ARHGEF10L: variants seen among roughly 807,000 people sequenced by gnomAD.
ARHGEF10L encodes rho guanine nucleotide exchange factor 10-like protein.
Under a neutral mutation model 141.2 loss-of-function variants are expected in ARHGEF10L, and 69 were observed. That is an observed-to-expected ratio of 0.49 (90% CI 0.40 to 0.60). The LOEUF is 0.60. Ranked by LOEUF, ARHGEF10L falls within the 20% of genes least tolerant of loss-of-function variation. ARHGEF10L has a pLI of 0.00. For synonymous variants in ARHGEF10L, 711 were observed against 718.5 expected (o/e 0.99, Z 0.17); for missense variants, 1,482 against 1,734.3 (o/e 0.85, Z 2.58).
chr1:17,619,313 T>G lies in ARHGEF10L; in HGVS notation c.836-26T>G. On this transcript the variant is annotated intron_variant, in intron 9 of 28. Coordinates refer to ENST00000361221, the MANE Select transcript of ARHGEF10L (RefSeq NM_018125.4). The surrounding 1 kb of genome is among the most constrained non-coding windows in gnomAD (Gnocchi z 5.0). ...GGGTGTGCTGTCCCTGCCTTAGCTG[T>G]GTCATCGGCCCATCTGACTTTCCAG... 6.2e-7 allele frequency: 1 copy of G among 1,605,920 alleles called. No individual in the cohort carries two copies. Among genetic ancestry groups the G allele is most frequent in the South Asian group, 1.1e-5 (1 of 90,310 alleles).
intron 26 of ARHGEF10L, among the ~76,000 whole-genome samples, chr1:17,683,994 CCTCT>C (rs2064357791): frequency 6.6e-6 from 1 of 152,172 alleles, no homozygotes. Flanking sequence ...CATGCAGATA[CCTCT>C]CTCAGTGTGT....
intron 26 of ARHGEF10L, among the ~76,000 whole-genome samples, chr1:17,672,654 T>C (rs1034154041): frequency 1.3e-5 from 2 of 152,128 alleles, no homozygotes; most frequent in Non-Finnish European, 2.9e-5. Flanking sequence ...ACTTGAGAAA[T>C]GGATTTTCTA....
the ARHGEF10L span, among the ~76,000 whole-genome samples, chr1:17,520,528 T>A: frequency 1.3e-5 from 2 of 152,266 alleles, no homozygotes; most frequent in African/African-American, 4.8e-5. Flanking sequence ...TTGGAGGTCG[T>A]GGGGGAGGGG....
intron 21 of ARHGEF10L, 96 bp from the exon 22 acceptor site, chr1:17,648,458 G>A: frequency 6.7e-7 from 1 of 1,498,892 alleles, no homozygotes; most frequent in East Asian, 2.3e-5. Flanking sequence ...GGCTTCTGGG[G>A]CCTGCAGTGG....
At chr1:17,524,214 A>G in the ARHGEF10L span, among the ~76,000 whole-genome samples, 1 of 151,472 alleles carries the variant, frequency 6.6e-6, no homozygotes, top group South Asian at 2.1e-4. Flanking sequence ...TGGAGGTTGC[A>G]GTGAGCTGAG....
intron 26 of ARHGEF10L, among the ~76,000 whole-genome samples, chr1:17,674,513 G>A (rs1311429563): frequency 6.6e-6 from 1 of 152,224 alleles, no homozygotes; most frequent in Non-Finnish European, 1.5e-5. Context: ...ACTGATCCGA[G>A]GAGCCCAGGA....
chr1:17,593,381 A>G (rs1402049300), intron 4 of ARHGEF10L, among the ~76,000 whole-genome samples: 1 of 152,158 alleles, frequency 6.6e-6, no homozygotes, highest in Admixed American at 6.5e-5. Flanking sequence ...TGAATCTGTG[A>G]CGCTGCGTGG....
intron 26 of ARHGEF10L, among the ~76,000 whole-genome samples, chr1:17,680,933 A>G (rs1013272369): frequency 1.3e-5 from 2 of 151,936 alleles, no homozygotes; most frequent in African/African-American, 4.8e-5. Flanking sequence ...ACAAGTGCCC[A>G]CCACCATGCC....
chr1:17,648,554 G>A lies in ARHGEF10L; in HGVS notation c.2273G>A (p.Arg758Gln). The change falls in exon 22 of 29, where the codon CGG becomes CAG. Residue 758 changes from arginine (R) to glutamine (Q), a missense_variant and splice_region_variant. This residue lies in a region of ARHGEF10L where 858 missense variants were observed against 966.3 expected (regional missense o/e 0.89). Transcript: ENST00000361221. ...ACCCACCTCCTTCCTCTTGCTGTAGGGGAGGAGAACCAGCCAGGCTGGCTA... is the reference window on the plus strand; with the variant it reads ...ACCCACCTCCTTCCTCTTGCTGTAGAGGAGGAGAACCAGCCAGGCTGGCTA... ...NRLHLAKIGL[R>Q]EENQPGWLCP... The A allele has an allele frequency of 6.2e-7, 1 of 1,613,650 alleles. No individual in the cohort carries two copies. The highest frequency in any genetic ancestry group is 8.5e-7 in the Non-Finnish European group (1 of 1,179,952).
chr1:17,550,650 GA>G (rs58121017), intron 1 of ARHGEF10L, among the ~76,000 whole-genome samples: 5 of 143,524 alleles, frequency 3.5e-5, no homozygotes, highest in South Asian at 4.5e-4. Flanking sequence ...TCTCAAAAAC[GA>G]AAAAAAAAAA....
chr1:17,617,902 C>T (rs1164509375), intron 9 of ARHGEF10L, among the ~76,000 whole-genome samples: 2 of 152,226 alleles, frequency 1.3e-5, no homozygotes, highest in Non-Finnish European at 2.9e-5. Flanking sequence ...TGTTCAGACC[C>T]TGGCTCTGCG....
chr1:17,567,799 C>T (rs1392517196), intron 1 of ARHGEF10L, among the ~76,000 whole-genome samples: 6 of 152,122 alleles, frequency 3.9e-5, no homozygotes, highest in African/African-American at 9.7e-5. Flanking sequence ...GCTGACTATG[C>T]GGATGCAGGG....
intron 26 of ARHGEF10L, among the ~76,000 whole-genome samples, chr1:17,685,419 C>A (rs115572346): frequency 0.025 from 3,822 of 152,218 alleles, 157 homozygotes; most frequent in African/African-American, 0.088. Flanking sequence ...ACTGCTGTGC[C>A]CTTTGCCTAG....
chr1:17,586,890 G>GCC (rs2079065560), intron 2 of ARHGEF10L, among the ~76,000 whole-genome samples: 8 of 152,122 alleles, frequency 5.3e-5, no homozygotes, highest in African/African-American at 1.9e-4. Flanking sequence ...GGCCTAGCAA[G>GCC]CTGACCTCCA....
intron 1 of ARHGEF10L, among the ~76,000 whole-genome samples, chr1:17,567,115 A>C (rs1249394783): frequency 1.3e-5 from 2 of 152,174 alleles, no homozygotes; most frequent in Non-Finnish European, 2.9e-5. Context: ...CCTTGGATAG[A>C]CCTGGCAAAG....
At chr1:17,590,935 C>A (rs945085865) in intron 4 of ARHGEF10L, among the ~76,000 whole-genome samples, 1 of 152,126 alleles carries the variant, frequency 6.6e-6, no homozygotes, top group Non-Finnish European at 1.5e-5. Context: ...TGTAGTGAGG[C>A]GAGATTGCGC....
At chr1:17,584,208 C>A (rs2078834303) in intron 2 of ARHGEF10L, among the ~76,000 whole-genome samples, 1 of 152,066 alleles carries the variant, frequency 6.6e-6, no homozygotes, top group Admixed American at 6.6e-5. Flanking sequence ...CTACACCTGG[C>A]TAATTTTCTC....
intron 7 of ARHGEF10L, among the ~76,000 whole-genome samples, chr1:17,609,753 A>G (rs2059444858): frequency 6.6e-6 from 1 of 152,160 alleles, no homozygotes; most frequent in Non-Finnish European, 1.5e-5. Flanking sequence ...AGCTGGGCTT[A>G]GGAGCTAGAG....
intron 1 of ARHGEF10L, among the ~76,000 whole-genome samples, chr1:17,552,129 A>G (rs942757785): frequency 1.6e-4 from 25 of 152,128 alleles, no homozygotes; most frequent in African/African-American, 6.0e-4. Flanking sequence ...GGATTTGATT[A>G]ACAGGTCACA....
Sources: gnomAD v4.1 joint callset for allele counts (sites outside exome capture counted in the v4.1 genomes callset) on GRCh38, gnomAD v4.1.1 for gene constraint, gnomAD v4.1.1 regional missense constraint, Gnocchi (gnomAD v3.1) non-coding constraint, MANE v1.5 for transcripts, NCBI Gene and HGNC (gene_info 2026-07-23, HGNC 2026-07-21) for gene names.